Variants in SPTB observed in about 807,000 individuals in gnomAD.
The protein encoded by SPTB is spectrin beta, erythrocytic.
Under a neutral mutation model 256.2 loss-of-function variants are expected in SPTB, and 45 were observed. The ratio of observed to expected loss-of-function variants is 0.18; its 90% CI spans 0.14 to 0.23. SPTB has a LOEUF of 0.23. SPTB is among the 10% of genes least tolerant of loss of function. The pLI is 1.00. For synonymous variants in SPTB, 1,231 were observed against 1,243.1 expected, an observed-to-expected ratio of 0.99 and a Z score of 0.21; for missense variants, 2,715 against 3,040.4, an observed-to-expected ratio of 0.89 and a Z score of 2.52.
Position 64,845,531 on chromosome 14 carries a change from T to C in SPTB, c.-51-22386A>G, listed in dbSNP as rs546901003. ...ATGAGTGATGAATTCATCCCACAAA[T>C]ATCTTCTGAGCACTGCGTTGAACTC... On this transcript the variant is annotated intron_variant, in intron 1 of 35. Transcript: ENST00000644917. This position sits in a 1 kb window ranked among gnomAD's most constrained non-coding sequence, Gnocchi z 4.8. Among the ~76,000 whole-genome samples, 1 of 152,336 alleles carries C rather than the reference T, an allele frequency of 6.6e-6. No homozygotes were observed. Among genetic ancestry groups the C allele is most frequent in the South Asian group, 2.1e-4 (1 of 4,828 alleles).
At chr14:64,851,175 A>T (rs2083778933) in intron 1 of SPTB, among the ~76,000 whole-genome samples, 1 of 152,214 alleles carries the variant, frequency 6.6e-6, no homozygotes, top group Admixed American at 6.5e-5. Flanking sequence ...AAAATGTTCA[A>T]TTATGTTATT....
chr14:64,838,094 T>C (rs1286225858), intron 1 of SPTB, among the ~76,000 whole-genome samples: 2 of 151,800 alleles, frequency 1.3e-5, no homozygotes, highest in African/African-American at 2.4e-5. Flanking sequence ...CGGAATAGAG[T>C]CCAGAGATAG....
At position 64,747,496 on chromosome 14, in the gene SPTB, G is replaced by C. The variant is rs960387848; in HGVS notation, c.*1810C>G. 1 of 152,670 alleles carries C rather than the reference G, an allele frequency of 6.6e-6. No homozygotes were observed. The highest frequency in any genetic ancestry group is 1.5e-5 in the Non-Finnish European group (1 of 68,094). 9.5% of individuals were successfully genotyped at this position (152,670 alleles called of 1,614,324 possible). On this transcript the variant is annotated 3_prime_UTR_variant, in exon 36 of 36. Transcript: ENST00000644917. Reference sequence around the variant, plus strand: ...ACCTTGCTCACCAGGGCGGGAACCTGGGGATGTCAGGCTCCATCGGATGAC... The same window carrying C: ...ACCTTGCTCACCAGGGCGGGAACCTCGGGATGTCAGGCTCCATCGGATGAC...
In SPTB at chr14:64,866,092, A is replaced by C. The variant is rs927930501; in HGVS notation, c.-52+13700T>G. On this transcript the variant is annotated intron_variant, in intron 1 of 35. Coordinates refer to ENST00000644917, the MANE Select transcript of SPTB (RefSeq NM_001355436.2). The surrounding 1 kb of genome is among the most constrained non-coding windows in gnomAD (Gnocchi z 4.6). ...ATACCACAAAGTAAAACATCTATGA[A>C]ATGAATAAGACTGTTCACTCAAAGA... Among the ~76,000 whole-genome samples the C allele has an allele frequency of 6.6e-6, 1 of 152,206 alleles. No individual in the cohort carries two copies. The highest frequency in any genetic ancestry group is 1.5e-5 in the Non-Finnish European group (1 of 68,028).
At position 64,804,956 on chromosome 14, in the gene SPTB, G is replaced by A; in HGVS notation, c.283C>T (p.Leu95Phe). 17 of 1,614,180 alleles carry A rather than the reference G, an allele frequency of 1.1e-5. No individual in the cohort carries two copies. The highest frequency in any genetic ancestry group is 1.4e-5 in the Non-Finnish European group (17 of 1,180,032). Residue 95 changes from leucine (L) to phenylalanine (F), a missense_variant, in exon 3 of 36, where the codon CTC (leucine) becomes TTC (phenylalanine). Coordinates refer to ENST00000644917, the MANE Select transcript of SPTB (RefSeq NM_001355436.2). ...GACTTTACCAGCATCTCTCCAGAGA[G>A]CACCTCCAGCAGCTTGATGAGCATG... ...GRMLIKLLEV[L>F]SGEMLPKPTK...
intron 1 of SPTB, among the ~76,000 whole-genome samples, chr14:64,839,143 C>G (rs921856095): frequency 6.6e-6 from 1 of 151,986 alleles, no homozygotes; most frequent in African/African-American, 2.4e-5. Flanking sequence ...AAAATAAAAG[C>G]CTCTATGCAA....
At chr14:64,800,623 G>A (rs2082865217) in intron 8 of SPTB, 133 bp downstream of exon 8, 1 of 796,444 alleles carries the variant, frequency 1.3e-6, no homozygotes, top group Admixed American at 2.0e-5. Flanking sequence ...ATGTTGCCAA[G>A]GTCAGCTTTA....
intron 8 of SPTB, among the ~76,000 whole-genome samples, 175 bp downstream of exon 8, chr14:64,800,581 A>G (rs920742962): frequency 1.3e-5 from 2 of 152,140 alleles, no homozygotes; most frequent in African/African-American, 4.8e-5. Context: ...CAGACCATCA[A>G]CCTGCTTTGG....
intron 2 of SPTB, among the ~76,000 whole-genome samples, chr14:64,818,640 G>A (rs75145566): frequency 0.023 from 3,473 of 152,218 alleles, 133 homozygotes; most frequent in African/African-American, 0.079. Context: ...GACAGAGGAT[G>A]GGCATTCTGA....
chr14:64,767,238 G>T, intron 31 of SPTB, 65 bp downstream of exon 31: 2 of 1,601,496 alleles, frequency 1.2e-6, no homozygotes, highest in South Asian at 1.1e-5. Context: ...GGTTTCTGAT[G>T]AAAGGCACCC....
At chr14:64,838,422 T>G (rs1447482624) in intron 1 of SPTB, among the ~76,000 whole-genome samples, 1 of 152,158 alleles carries the variant, frequency 6.6e-6, no homozygotes, top group Non-Finnish European at 1.5e-5. Context: ...ATTTGATCAA[T>G]TTGACCATCA....
chr14:64,775,143 G>C lies in SPTB; in HGVS notation c.4824C>G (p.Ile1608Met). 3 of 1,613,952 alleles carry C rather than the reference G, an allele frequency of 1.9e-6. No homozygotes were observed. Among genetic ancestry groups the C allele is most frequent in the South Asian group, 1.1e-5 (1 of 91,084 alleles). The change falls in exon 23 of 36, where the codon ATC (isoleucine) becomes ATG (methionine). Residue 1608 changes from isoleucine (I) to methionine (M), a missense_variant. Transcript: ENST00000644917. The surrounding 1 kb of genome is among the most constrained non-coding windows in gnomAD (Gnocchi z 5.0). ...AACAGACCTTGGGGATCTCATCGGA[G>C]ATGACGTAGAGCTCCTGCTCGCCAA... ...AWIGEQELYV[I>M]SDEIPKDEEG...
intron 1 of SPTB, among the ~76,000 whole-genome samples, chr14:64,854,274 CTTTTTT>C (rs1206368948): frequency 1.4e-5 from 1 of 73,264 alleles, no homozygotes; most frequent in Non-Finnish European, 2.4e-5. Flanking sequence ...TTTCCAAACT[CTTTTTT>C]TTTTTTTTTT....
In SPTB at chr14:64,760,632, G is replaced by T. The variant is rs2082079682; in HGVS notation, c.6345+6094C>A. Among the ~76,000 whole-genome samples, 1 of 152,176 alleles carries T rather than the reference G, an allele frequency of 6.6e-6. No homozygotes were observed. Among genetic ancestry groups the T allele is most frequent in the African/African-American group, 2.4e-5 (1 of 41,434 alleles). The stretch of plus-strand genomic sequence containing the variant: ...GAATTCATGTTAGAATTCACATGGA[G>T]GATGCTACTTTTAAGAGATGAAGGA... On this transcript the variant is annotated intron_variant, in intron 32 of 35. Coordinates refer to ENST00000644917, the MANE Select transcript of SPTB (RefSeq NM_001355436.2). The surrounding 1 kb of genome is among the most constrained non-coding windows in gnomAD (Gnocchi z 4.3).
intron 2 of SPTB, among the ~76,000 whole-genome samples, chr14:64,814,682 A>AT (rs1413684541): frequency 2.0e-5 from 3 of 151,782 alleles, no homozygotes; most frequent in South Asian, 2.1e-4. Flanking sequence ...CACCCAGCTA[A>AT]TTTTTTGTAT....
At position 64,746,474 on chromosome 14, in the gene SPTB, A is replaced by G. The variant is rs901539882; in HGVS notation, c.*2832T>C. ...ATTTCCTCCCTGAGCTTGTTTGTCCAAGCCACCAAGCCATGTGGTCCCGCT... is the reference window on the plus strand; with the variant it reads ...ATTTCCTCCCTGAGCTTGTTTGTCCGAGCCACCAAGCCATGTGGTCCCGCT... On this transcript the variant is annotated 3_prime_UTR_variant, in exon 36 of 36. Coordinates refer to ENST00000644917, the MANE Select transcript of SPTB (RefSeq NM_001355436.2). This position sits in a 1 kb window ranked among gnomAD's most constrained non-coding sequence, Gnocchi z 4.9. 6.6e-6 allele frequency: 1 copy of G among 152,660 alleles called. No homozygotes were observed. The highest frequency in any genetic ancestry group is 6.5e-5 in the Admixed American group (1 of 15,272). The allele number at this position is 152,660 out of a possible 1,614,324, so 9.5% of individuals were successfully genotyped here. A position where few individuals can be genotyped will look rare whatever the true frequency, so the allele number is the denominator to read the frequency against.
Position 64,786,019 on chromosome 14 carries a change from T to C in SPTB, c.3562-68A>G. 1.3e-6 allele frequency: 2 copies of C among 1,535,628 alleles called. No individual in the cohort carries two copies. Among genetic ancestry groups the C allele is most frequent in the Non-Finnish European group, 1.8e-6 (2 of 1,115,816 alleles). ...GGAGGTGATGAGCACACCTCCCAAG[T>C]GGGAGCACCACGTGCAGCCACACAG... On this transcript the variant is annotated intron_variant, in intron 16 of 35. Coordinates refer to ENST00000644917, the MANE Select transcript of SPTB (RefSeq NM_001355436.2). The surrounding 1 kb of genome is among the most constrained non-coding windows in gnomAD (Gnocchi z 5.6).
chr14:64,785,575 T>C lies in SPTB; in HGVS notation c.3817A>G (p.Asn1273Asp). ...AQEASVLLRDNLELQNFLQNC... is the reference protein window; with the variant it reads ...AQEASVLLRDDLELQNFLQNC... ...TGGAGGAAGTTCTGTAGCTCCAGGTTGTCTCTCAGTAGGACAGAGGCCTCC... is the reference window on the plus strand; with the variant it reads ...TGGAGGAAGTTCTGTAGCTCCAGGTCGTCTCTCAGTAGGACAGAGGCCTCC... Residue 1273 changes from asparagine (N) to aspartate (D), a missense_variant, in exon 18 of 36, where the codon AAC becomes GAC. Asn to Asp is a conservative substitution (Grantham distance 23, BLOSUM62 1). Around this residue, in one of 4 missense-constraint regions of SPTB, gnomAD observed 2,239 missense variants for 2,384.4 expected, o/e 0.94. Transcript: ENST00000644917. This position sits in a 1 kb window ranked among gnomAD's most constrained non-coding sequence, Gnocchi z 4.4. 6.2e-7 allele frequency: 1 copy of C among 1,614,064 alleles called. No homozygotes were observed. Among genetic ancestry groups the C allele is most frequent in the Non-Finnish European group, 8.5e-7 (1 of 1,179,988 alleles).
rs1005939741 is a variant in SPTB at position 64,827,141 on chromosome 14, C to T, written c.-51-3996G>A. On this transcript the variant is annotated intron_variant, in intron 1 of 35. Coordinates refer to ENST00000644917, the MANE Select transcript of SPTB (RefSeq NM_001355436.2). The surrounding 1 kb of genome is among the most constrained non-coding windows in gnomAD (Gnocchi z 4.6). ...CCCAGCCTGCAGGGTGCTGACGGAGCCCAAGCTAGGACCCATGTCAGCCCT... is the reference window on the plus strand; with the variant it reads ...CCCAGCCTGCAGGGTGCTGACGGAGTCCAAGCTAGGACCCATGTCAGCCCT... Among the ~76,000 whole-genome samples, 4 of 152,136 alleles carry T rather than the reference C, an allele frequency of 2.6e-5. No individual in the cohort carries two copies. The highest frequency in any genetic ancestry group is 5.9e-5 in the Non-Finnish European group (4 of 68,030).
Sources: allele counts gnomAD v4.1 joint callset (sites outside exome capture counted in the v4.1 genomes callset), GRCh38; gene constraint gnomAD v4.1.1; regional missense constraint gnomAD v4.1.1; non-coding constraint Gnocchi (gnomAD v3.1); transcripts MANE v1.5; gene names NCBI Gene and HGNC (gene_info 2026-07-23, HGNC 2026-07-21).